The following GNPTAB variants were observed in gnomAD, a reference collection of about 807,000 sequenced individuals.
The protein encoded by GNPTAB is N-acetylglucosamine-1-phosphate transferase subunits alpha and beta, also known as N-acetylglucosamine-1-phosphotransferase subunits alpha/beta.
Under a neutral mutation model 136.6 loss-of-function variants are expected in GNPTAB, and 92 were observed. The ratio of observed to expected loss-of-function variants is 0.67; its 90% CI spans 0.57 to 0.80. The LOEUF is 0.80. Ranked by LOEUF, GNPTAB falls within the 30% of genes least tolerant of loss-of-function variation. The pLI is 0.00. For synonymous variants in GNPTAB, 512 were observed against 535.1 expected (o/e 0.96, Z 0.60); for missense variants, 1,343 against 1,501.8 (o/e 0.89, Z 1.75).
At position 101,770,402 on chromosome 12, in the gene GNPTAB, G is replaced by A. The variant is rs1953152722; in HGVS notation, c.1113+4C>T. The A allele has an allele frequency of 9.4e-6, 15 of 1,601,848 alleles. No homozygotes were observed. The highest frequency in any genetic ancestry group is 1.2e-5 in the Non-Finnish European group (14 of 1,168,788). On this transcript the variant is annotated splice_donor_region_variant and intron_variant, in intron 9 of 20. Transcript: ENST00000299314. ...AGTCTTGTAATTTTTAGAAAGTCCT[G>A]TACCTGGTGTGTTACTATTGTCACT... is the stretch of plus-strand genomic sequence containing the variant.
intron 1 of GNPTAB, among the ~76,000 whole-genome samples, chr12:101,824,687 G>A (rs947252353): frequency 4.0e-5 from 6 of 151,290 alleles, no homozygotes; most frequent in African/African-American, 1.2e-4. Flanking sequence ...GGCTGCTTTC[G>A]AACTCGCCTT....
intron 1 of GNPTAB, among the ~76,000 whole-genome samples, chr12:101,820,374 G>T (rs150668097): frequency 6.6e-6 from 1 of 152,304 alleles, no homozygotes; most frequent in African/African-American, 2.4e-5. Context: ...TAAGCCTCTT[G>T]AATCTGTCCA....
chr12:101,745,880 C>T lies in GNPTAB; in HGVS notation c.*1284G>A, dbSNP rs1952726220. 6.6e-6 allele frequency: 1 copy of T among 152,176 alleles called. No homozygotes were observed. Among genetic ancestry groups the T allele is most frequent in the Non-Finnish European group, 1.5e-5 (1 of 68,084 alleles). The allele number at this position is 152,176 out of a possible 1,614,324, so 9.4% of individuals were successfully genotyped here. The stretch of plus-strand genomic sequence containing the variant: ...GGAACCCCCGTCTCTACTAAAAATA[C>T]AAAAATTAGCAGGGTGTGGTGGCAT... On this transcript the variant is annotated 3_prime_UTR_variant, in exon 21 of 21. Coordinates refer to ENST00000299314, the MANE Select transcript of GNPTAB (RefSeq NM_024312.5).
intron 2 of GNPTAB, among the ~76,000 whole-genome samples, chr12:101,792,791 G>A (rs917609224): frequency 6.6e-6 from 1 of 152,070 alleles, no homozygotes; most frequent in African/African-American, 2.4e-5. Flanking sequence ...GGGCAGAAAT[G>A]TTATCATGCA....
intron 1 of GNPTAB, among the ~76,000 whole-genome samples, chr12:101,819,196 G>A (rs978748029): frequency 3.3e-5 from 5 of 152,038 alleles, no homozygotes; most frequent in African/African-American, 1.2e-4. Flanking sequence ...ATTTTTGGTA[G>A]AGACAGGGTT....
At chr12:101,753,027 C>T (rs910122310) in intron 19 of GNPTAB, among the ~76,000 whole-genome samples, 22 of 151,908 alleles carry the variant, frequency 1.4e-4, no homozygotes, top group South Asian at 6.2e-4. Context: ...CTGAGGCGGG[C>T]GGATCACCTG....
At chr12:101,775,014 C>T (rs1953240142) in intron 7 of GNPTAB, among the ~76,000 whole-genome samples, 1 of 152,176 alleles carries the variant, frequency 6.6e-6, no homozygotes, top group Non-Finnish European at 1.5e-5. Context: ...CAAATACTCC[C>T]GAAGGACAGA....
chr12:101,795,932 A>G lies in GNPTAB; in HGVS notation c.203+745T>C, dbSNP rs1198499732. The G allele has an allele frequency of 1.0e-5, 3 of 290,384 alleles. No individual in the cohort carries two copies. The Admixed American group carries it at 1.5e-4, about 15-fold the overall frequency. 18.0% of individuals were successfully genotyped at this position (290,384 alleles called of 1,614,324 possible). A position where few individuals can be genotyped will look rare whatever the true frequency, so the allele number is the denominator to read the frequency against. On this transcript the variant is annotated intron_variant, in intron 2 of 20. Transcript: ENST00000299314. ...GAGGGTGTTGAAAAAAATTGTTTCC[A>G]TTCTGAGGTCTGTCTTGTGAAGAGG...
In GNPTAB at chr12:101,761,598, T is replaced by C. The variant is rs758750238; in HGVS notation, c.2881A>G (p.Ile961Val). The C allele has an allele frequency of 6.2e-7, 1 of 1,614,172 alleles. No individual in the cohort carries two copies. The highest frequency in any genetic ancestry group is 8.5e-7 in the Non-Finnish European group (1 of 1,180,012). The change falls in exon 14 of 21, where the codon ATT becomes GTT. Residue 961 changes from isoleucine (I) to valine (V), a missense_variant. By Grantham distance (29) the Ile-to-Val change is conservative. Transcript: ENST00000299314. ...RKVPAHMPHMIDRIVMQELQD... is the reference protein window; with the variant it reads ...RKVPAHMPHMVDRIVMQELQD... ...AGTTCTTGCATAACAATCCGGTCAA[T>C]CATGTGAGGCATGTGAGCAGGGACT... is the stretch of plus-strand genomic sequence containing the variant.
chr12:101,822,913 G>C (rs1870890181), intron 1 of GNPTAB, among the ~76,000 whole-genome samples: 1 of 152,150 alleles, frequency 6.6e-6, no homozygotes, highest in South Asian at 2.1e-4. Flanking sequence ...TGCCTACCCA[G>C]CATCACTTAT....
At chr12:101,801,780 T>C (rs1248730522) in intron 1 of GNPTAB, among the ~76,000 whole-genome samples, 1 of 151,994 alleles carries the variant, frequency 6.6e-6, no homozygotes, top group East Asian at 1.9e-4. Context: ...TGGTGGCTCA[T>C]GTCTGTAATT....
chr12:101,806,853 GA>G (rs955242798), intron 1 of GNPTAB, among the ~76,000 whole-genome samples: 4 of 147,546 alleles, frequency 2.7e-5, no homozygotes, highest in South Asian at 4.3e-4. Context: ...AACACTTAAG[GA>G]AAAAAAAAAT....
At chr12:101,811,553 A>G (rs1870234811) in intron 1 of GNPTAB, among the ~76,000 whole-genome samples, 2 of 152,022 alleles carry the variant, frequency 1.3e-5, no homozygotes, top group African/African-American at 2.4e-5. Context: ...ACTTACAATC[A>G]TGGCAGAAGG....
chr12:101,783,995 G>C (rs1488600294), intron 5 of GNPTAB, among the ~76,000 whole-genome samples: 1 of 151,934 alleles, frequency 6.6e-6, no homozygotes, highest in Admixed American at 6.6e-5. Context: ...TGGGATTATA[G>C]GCGTGAGCCA....
Position 101,753,575 on chromosome 12 carries a change from A to G in GNPTAB, c.3435-36T>C, listed in dbSNP as rs1213552856. The G allele has an allele frequency of 1.9e-6, 3 of 1,554,786 alleles. No homozygotes were observed. In the South Asian group the frequency reaches 3.3e-5, roughly 17 times the overall value. Reference sequence around the variant, plus strand: ...AGAGAGCCAGGGTTATTAGTTACATATGGATAATCCTGACCTAACAAAACA... The same window carrying G: ...AGAGAGCCAGGGTTATTAGTTACATGTGGATAATCCTGACCTAACAAAACA... On this transcript the variant is annotated intron_variant, in intron 18 of 20. Transcript: ENST00000299314.
chr12:101,785,741 G>A (rs889674775), intron 5 of GNPTAB: 7 of 409,944 alleles, frequency 1.7e-5, no homozygotes, highest in Admixed American at 4.0e-5. Context: ...GAATAATTCA[G>A]AGCCAAGAGA....
chr12:101,818,946 T>C (rs1272743803), intron 1 of GNPTAB, among the ~76,000 whole-genome samples: 1 of 152,172 alleles, frequency 6.6e-6, no homozygotes, highest in Non-Finnish European at 1.5e-5. Context: ...TTGCTCCTCT[T>C]TCCCCTTTCA....
intron 3 of GNPTAB, among the ~76,000 whole-genome samples, chr12:101,789,054 G>A (rs1382196218): frequency 6.6e-6 from 1 of 152,090 alleles, no homozygotes; most frequent in Non-Finnish European, 1.5e-5. Context: ...TTTTACTGCC[G>A]TTTTCAAATG....
chr12:101,770,182 G>A lies in GNPTAB; in HGVS notation c.1123C>T (p.Arg375Ter), dbSNP rs397507447. Residue 375 changes from arginine to a stop codon, truncating the protein, a stop_gained, in exon 10 of 21, where the codon CGA becomes TGA. Coordinates refer to ENST00000299314, the MANE Select transcript of GNPTAB (RefSeq NM_024312.5). LOFTEE classifies it high-confidence loss of function. ...VTIVTHQDVF[R>*]NLSHLPTFSS... The stretch of plus-strand genomic sequence containing the variant: ...AAGGTAGGCAAGTGGCTCAAATTTC[G>A]AAAAACATCCTTTTAACAACAACAA... 68 of 1,613,932 alleles carry A rather than the reference G, an allele frequency of 4.2e-5. No individual in the cohort carries two copies. Among genetic ancestry groups the A allele is most frequent in the Non-Finnish European group, 5.3e-5 (62 of 1,179,986 alleles).
Sources: allele counts gnomAD v4.1 joint callset (sites outside exome capture counted in the v4.1 genomes callset), GRCh38; gene constraint gnomAD v4.1.1; transcripts MANE v1.5; gene names NCBI Gene and HGNC (gene_info 2026-07-23, HGNC 2026-07-21).